The following LRRC4C variants were observed in gnomAD, a reference collection of about 807,000 sequenced individuals.
LRRC4C encodes leucine-rich repeat-containing protein 4C.
LRRC4C carries 5 observed loss-of-function variants against 33.6 expected under a neutral mutation model. That is an observed-to-expected ratio of 0.15 (90% CI 0.08 to 0.31). The LOEUF (loss-of-function observed/expected upper bound fraction) is 0.31, where lower values mean the gene tolerates loss of function less well. Ranked by LOEUF, LRRC4C falls within the 10% of genes least tolerant of loss-of-function variation. LRRC4C has a pLI of 1.00. For missense variants in LRRC4C, 560 were observed against 796.7 expected, an observed-to-expected ratio of 0.70 and a Z score of 3.58; for synonymous variants, 329 against 302.0, an observed-to-expected ratio of 1.09 and a Z score of -0.93.
chr11:40,942,824 G>C (rs370338633), intron 1 of LRRC4C, among the ~76,000 whole-genome samples: 4 of 152,258 alleles, frequency 2.6e-5, no homozygotes, highest in South Asian at 4.1e-4. Context: ...GATAACACCA[G>C]ACAGACCAGA....
Position 41,106,294 on chromosome 11 carries a change from T to C in LRRC4C, c.-495-172571A>G, listed in dbSNP as rs574517877. On this transcript the variant is annotated intron_variant, in intron 1 of 6. Coordinates refer to ENST00000528697, the MANE Select transcript of LRRC4C (RefSeq NM_001258419.2). ...AAAAGTGGAGATGAGAAATGGGGTA[T>C]AGCAGAGGCAGCAATGCAGCAAGTA... Among the ~76,000 whole-genome samples the C allele has an allele frequency of 3.3e-5, 5 of 151,994 alleles. No homozygotes were observed. In the East Asian group the frequency reaches 7.8e-4, roughly 24 times the overall value.
At chr11:41,173,417 T>G (rs927715000) in intron 1 of LRRC4C, among the ~76,000 whole-genome samples, 4 of 152,164 alleles carry the variant, frequency 2.6e-5, no homozygotes, top group Non-Finnish European at 5.9e-5. Flanking sequence ...TCCTGCCTCT[T>G]TATTTACCCT....
At chr11:41,410,982 G>A (rs1954453152) in intron 1 of LRRC4C, among the ~76,000 whole-genome samples, 1 of 151,602 alleles carries the variant, frequency 6.6e-6, no homozygotes, top group Admixed American at 6.6e-5. Flanking sequence ...GAGACATAAT[G>A]TGAGGATCCT....
At chr11:40,385,684 T>C (rs896712270) in intron 3 of LRRC4C, among the ~76,000 whole-genome samples, 1 of 151,862 alleles carries the variant, frequency 6.6e-6, no homozygotes, top group African/African-American at 2.4e-5. Context: ...CTGGCCAACA[T>C]GGTGAAACCC....
intron 1 of LRRC4C, among the ~76,000 whole-genome samples, chr11:41,112,248 T>C (rs1409262477): frequency 2.0e-5 from 3 of 152,038 alleles, no homozygotes; most frequent in African/African-American, 7.2e-5. Context: ...CACTGATTGC[T>C]CAATGACAAA....
chr11:40,422,460 C>A (rs1950554134), intron 3 of LRRC4C, among the ~76,000 whole-genome samples: 1 of 151,964 alleles, frequency 6.6e-6, no homozygotes, highest in Non-Finnish European at 1.5e-5. Flanking sequence ...AAATTAAACT[C>A]CAAAAACCAC....
chr11:40,462,468 A>G (rs1565413022), intron 3 of LRRC4C, among the ~76,000 whole-genome samples: 1 of 152,138 alleles, frequency 6.6e-6, no homozygotes, highest in South Asian at 2.1e-4. Flanking sequence ...ACCTCGAACA[A>G]AGATTAATAA....
chr11:40,711,070 G>A (rs920300707), intron 2 of LRRC4C, among the ~76,000 whole-genome samples: 1 of 152,214 alleles, frequency 6.6e-6, no homozygotes, highest in Non-Finnish European at 1.5e-5. Context: ...TTAGGTGGCA[G>A]TGTCCCGATT....
intron 1 of LRRC4C, among the ~76,000 whole-genome samples, chr11:40,988,962 C>T (rs1853301193): frequency 6.6e-6 from 1 of 151,938 alleles, no homozygotes; most frequent in Admixed American, 6.6e-5. Flanking sequence ...CCTGGTGATT[C>T]GTGTGCCTTG....
At chr11:41,158,928 C>T (rs1255640613) in intron 1 of LRRC4C, among the ~76,000 whole-genome samples, 1 of 152,036 alleles carries the variant, frequency 6.6e-6, no homozygotes, top group Non-Finnish European at 1.5e-5. Flanking sequence ...AAGACAGGAA[C>T]TGGACTTTGT....
intron 1 of LRRC4C, among the ~76,000 whole-genome samples, chr11:41,330,519 C>T (rs1951260525): frequency 1.3e-5 from 2 of 151,946 alleles, no homozygotes; most frequent in Admixed American, 1.3e-4. Flanking sequence ...TCCTCATTTA[C>T]CTCCTTCACC....
chr11:40,547,704 T>A (rs1176399895), intron 3 of LRRC4C, among the ~76,000 whole-genome samples: 2 of 152,122 alleles, frequency 1.3e-5, no homozygotes, highest in African/African-American at 4.8e-5. Context: ...GGACATAAAA[T>A]GCTGTTGAGT....
At chr11:41,420,841 T>C (rs1220969886) in intron 1 of LRRC4C, among the ~76,000 whole-genome samples, 2 of 152,122 alleles carry the variant, frequency 1.3e-5, no homozygotes, top group East Asian at 3.9e-4. Flanking sequence ...ACCAAAACAG[T>C]GCCTGGTACA....
chr11:40,603,157 C>G (rs1172067025), intron 3 of LRRC4C, among the ~76,000 whole-genome samples: 1 of 152,152 alleles, frequency 6.6e-6, no homozygotes, highest in Non-Finnish European at 1.5e-5. Flanking sequence ...AATGCAGATA[C>G]AGTCATTTGA....
At chr11:40,251,438 A>T (rs1343843975) in intron 4 of LRRC4C, among the ~76,000 whole-genome samples, 1 of 152,146 alleles carries the variant, frequency 6.6e-6, no homozygotes, top group Non-Finnish European at 1.5e-5. Context: ...CTCCTCCTCT[A>T]AATAGCTACA....
At chr11:41,241,772 C>T (rs553581728) in intron 1 of LRRC4C, among the ~76,000 whole-genome samples, 8 of 152,122 alleles carry the variant, frequency 5.3e-5, no homozygotes, top group African/African-American at 1.2e-4. Context: ...TGGTCTGTGG[C>T]GACCGGTCTA....
chr11:41,072,998 T>C (rs1227323006), intron 1 of LRRC4C, among the ~76,000 whole-genome samples: 1 of 152,208 alleles, frequency 6.6e-6, no homozygotes, highest in Non-Finnish European at 1.5e-5. Flanking sequence ...TGCCCAATAT[T>C]ATGTTTTGTT....
rs1946776929 is a variant in LRRC4C, at chr11:41,210,446, T to C, written c.-496+248985A>G. 2.0e-5 allele frequency among the ~76,000 whole-genome samples: 3 copies of C among 152,310 alleles called. No individual in the cohort carries two copies. The South Asian group carries it at 6.2e-4, about 32-fold the overall frequency. The stretch of plus-strand genomic sequence containing the variant: ...CCACCATGTAAGACATGGCTTTCTC[T>C]TTCTGCCATGATTGTGAGCCCTCCC... On this transcript the variant is annotated intron_variant, in intron 1 of 6. Transcript: ENST00000528697.
intron 1 of LRRC4C, among the ~76,000 whole-genome samples, chr11:41,120,157 A>G (rs1050628718): frequency 6.6e-6 from 1 of 152,180 alleles, no homozygotes; most frequent in Non-Finnish European, 1.5e-5. Context: ...AAAACTCAGA[A>G]AATGACAAAT....
Sources: gnomAD v4.1 joint callset for allele counts (sites outside exome capture counted in the v4.1 genomes callset) on GRCh38, gnomAD v4.1.1 for gene constraint, MANE v1.5 for transcripts, NCBI Gene and HGNC (gene_info 2026-07-23, HGNC 2026-07-21) for gene names.